The following PLOD2 variants were observed in gnomAD, a reference collection of about 807,000 sequenced individuals.
The protein encoded by PLOD2 is procollagen-lysine,2-oxoglutarate 5-dioxygenase 2, also known as lysine hydroxylase 2.
In PLOD2, 65 loss-of-function variants were observed where a neutral mutation model predicts 101.0. The observed-to-expected ratio is 0.64, with a 90% CI of 0.53 to 0.79. The LOEUF (loss-of-function observed/expected upper bound fraction) is 0.79, where lower values mean the gene tolerates loss of function less well. Ranked by LOEUF, PLOD2 falls within the 30% of genes least tolerant of loss-of-function variation. PLOD2 has a pLI of 0.00. For missense variants in PLOD2, 909 were observed against 914.6 expected (o/e 0.99, Z 0.08); for synonymous variants, 314 against 302.9 (o/e 1.04, Z -0.38).
chr3:146,092,889 A>G (rs1353497995), intron 7 of PLOD2, among the ~76,000 whole-genome samples: 1 of 152,172 alleles, frequency 6.6e-6, no homozygotes, highest in Admixed American at 6.5e-5. Context: ...GAGCATTCAT[A>G]TTAATAGGCT....
intron 1 of PLOD2, among the ~76,000 whole-genome samples, chr3:146,148,839 T>C (rs2031920796): frequency 6.6e-6 from 1 of 152,204 alleles, no homozygotes; most frequent in Admixed American, 6.5e-5. Context: ...CACTATACAC[T>C]GTCTCAGTGT....
intron 1 of PLOD2, among the ~76,000 whole-genome samples, chr3:146,134,441 T>C (rs866142702): frequency 6.6e-6 from 1 of 152,156 alleles, no homozygotes; most frequent in Non-Finnish European, 1.5e-5. Flanking sequence ...AGAGCGGACT[T>C]TAATCTGCTG....
intron 1 of PLOD2, among the ~76,000 whole-genome samples, chr3:146,132,811 G>A (rs531814554): frequency 2.6e-5 from 4 of 151,970 alleles, no homozygotes; most frequent in South Asian, 2.1e-4. Flanking sequence ...AGATTATACT[G>A]CAAAAAAAAT....
intron 7 of PLOD2, 130 bp from the exon 8 acceptor site, chr3:146,092,031 T>C (rs1385854854): frequency 3.0e-6 from 2 of 667,946 alleles, no homozygotes; most frequent in Non-Finnish European, 5.5e-6. Context: ...TACTAATATA[T>C]CATCTGTAGG....
chr3:146,085,433 TTAAATTTC>T, intron 10 of PLOD2, 160 bp from the exon 11 acceptor site: 1 of 602,682 alleles, frequency 1.7e-6, no homozygotes. Flanking sequence ...ATATATTGTC[TTAAATTTC>T]AAAATGGTCA....
Position 146,112,748 on chromosome 3 carries a change from G to A in PLOD2, c.339-2300C>T, listed in dbSNP as rs539607981. On this transcript the variant is annotated intron_variant, in intron 3 of 19. Transcript: ENST00000282903. ...CGCCTGTAATCCCAGCTACTTGGGA[G>A]GCTAAGGCAGGAGAATTGCTTGAAC... 1.5e-4 allele frequency among the ~76,000 whole-genome samples: 22 copies of A among 151,638 alleles called. No individual in the cohort carries two copies. The South Asian group carries it at 4.6e-3, about 32-fold the overall frequency.
Position 146,123,597 on chromosome 3 carries a change from C to T in PLOD2, c.201+541G>A, listed in dbSNP as rs372412422. ...CCCTCTTCACATTTGTTTCTAATTC[C>T]CTGCAAACAAAGAATCATCCTACGA... is the stretch of plus-strand genomic sequence containing the variant. On this transcript the variant is annotated intron_variant, in intron 2 of 19. Transcript: ENST00000282903. Among the ~76,000 whole-genome samples, 10 of 152,060 alleles carry T rather than the reference C, an allele frequency of 6.6e-5. No individual in the cohort carries two copies. The South Asian group carries it at 1.0e-3, about 16-fold the overall frequency.
Position 146,070,847 on chromosome 3 carries a change from T to C in PLOD2, c.2147A>G (p.Tyr716Cys). The stretch of plus-strand genomic sequence containing the variant: ...TCGTGGTGACTCAATAGAGCAATTG[T>C]ACCTTAGAAATTTGCAACCACCTCC... ...FQGGGCKFLRYNCSIESPRKG... is the reference protein window; with the variant it reads ...FQGGGCKFLRCNCSIESPRKG... The change falls in exon 20 of 20, where the codon TAC becomes TGC. Residue 716 changes from tyrosine (Y) to cysteine (C), a missense_variant. Tyr to Cys is a radical substitution (Grantham distance 194). Transcript: ENST00000282903. 1.9e-6 allele frequency: 3 copies of C among 1,610,564 alleles called. No individual in the cohort carries two copies. Among genetic ancestry groups the C allele is most frequent in the Non-Finnish European group, 1.7e-6 (2 of 1,177,726 alleles).
intron 7 of PLOD2, among the ~76,000 whole-genome samples, chr3:146,093,904 A>G (rs192466334): frequency 6.6e-6 from 1 of 152,276 alleles, no homozygotes; most frequent in East Asian, 1.9e-4. Context: ...TTTTATCTCA[A>G]TTTGTTTCCT....
chr3:146,090,483 G>A (rs143915394), intron 8 of PLOD2, among the ~76,000 whole-genome samples: 15 of 151,576 alleles, frequency 9.9e-5, no homozygotes, highest in South Asian at 2.1e-4. Flanking sequence ...AAAAGGAAAC[G>A]AAACAGATAA....
intron 3 of PLOD2, among the ~76,000 whole-genome samples, chr3:146,115,090 G>C (rs535848351): frequency 1.3e-5 from 2 of 152,202 alleles, no homozygotes; most frequent in African/African-American, 4.8e-5. Flanking sequence ...GTCTCCCCCG[G>C]ACACCCAGCT....
rs1936129613 is a variant in PLOD2 at position 146,071,443 on chromosome 3, C to T, written c.1849-20G>A. The T allele has an allele frequency of 6.2e-7, 1 of 1,609,020 alleles. No individual in the cohort carries two copies. The highest frequency in any genetic ancestry group is 8.5e-7 in the Non-Finnish European group (1 of 1,176,152). The stretch of plus-strand genomic sequence containing the variant: ...GCTATCCTAGAAACAACATTAATGA[C>T]ATAATAAGCTGTACTCCACGTGCAA... On this transcript the variant is annotated intron_variant, in intron 17 of 19. Transcript: ENST00000282903.
intron 1 of PLOD2, among the ~76,000 whole-genome samples, chr3:146,149,446 G>GA (rs772854011): frequency 1.4e-3 from 206 of 151,124 alleles, no homozygotes; most frequent in Non-Finnish European, 2.4e-3. Context: ...ATCTCAACAT[G>GA]AAAAAAAAAT....
At chr3:146,106,381 C>T (rs1455853145) in intron 5 of PLOD2, 151 bp downstream of exon 5, 3 of 649,976 alleles carry the variant, frequency 4.6e-6, no homozygotes, top group South Asian at 3.4e-5. Flanking sequence ...ACCAATCTCA[C>T]CTATTAAAAT....
At chr3:146,141,787 G>C (rs973933640) in intron 1 of PLOD2, among the ~76,000 whole-genome samples, 1 of 152,080 alleles carries the variant, frequency 6.6e-6, no homozygotes, top group African/African-American at 2.4e-5. Flanking sequence ...AGGGGAGACA[G>C]TGGCAAATAA....
intron 16 of PLOD2, 40 bp from the exon 17 acceptor site, chr3:146,072,705 C>G (rs776819539): frequency 4.1e-6 from 5 of 1,210,620 alleles, no homozygotes; most frequent in Non-Finnish European, 6.1e-6. Flanking sequence ...ATAATAACTT[C>G]TGTGTCTTAA....
intron 3 of PLOD2, among the ~76,000 whole-genome samples, chr3:146,120,095 C>T (rs1301445208): frequency 7.3e-6 from 1 of 136,590 alleles, no homozygotes; most frequent in African/African-American, 2.8e-5. Context: ...CACATCCTCT[C>T]CAGCACCTGT....
chr3:146,150,748 A>G (rs192954932), intron 1 of PLOD2, among the ~76,000 whole-genome samples: 1 of 152,266 alleles, frequency 6.6e-6, no homozygotes, highest in Admixed American at 6.5e-5. Flanking sequence ...AAAAAAAGTT[A>G]CCAGCATAAT....
intron 1 of PLOD2, among the ~76,000 whole-genome samples, chr3:146,142,810 T>C (rs2031584958): frequency 6.6e-6 from 1 of 152,110 alleles, no homozygotes; most frequent in Non-Finnish European, 1.5e-5. Flanking sequence ...GAAAGGGGCA[T>C]TGTCAGCACA....
Sources: allele counts gnomAD v4.1 joint callset (sites outside exome capture counted in the v4.1 genomes callset), GRCh38; gene constraint gnomAD v4.1.1; transcripts MANE v1.5; gene names NCBI Gene and HGNC (gene_info 2026-07-23, HGNC 2026-07-21).